SNTG2: variants seen among roughly 807,000 people sequenced by gnomAD.
SNTG2 encodes the protein syntrophin gamma 2.
SNTG2 carries 74 observed loss-of-function variants against 70.9 expected under a neutral mutation model. The ratio of observed to expected loss-of-function variants is 1.04; its 90% CI spans 0.86 to 1.27. The LOEUF (loss-of-function observed/expected upper bound fraction) is 1.27, where lower values mean the gene tolerates loss of function less well. Ranked by LOEUF, SNTG2 falls within the 50% of genes most tolerant of loss-of-function variation. The pLI, the probability that SNTG2 is intolerant of heterozygous loss-of-function variation, is 0.00. For synonymous variants in SNTG2, 278 were observed against 273.8 expected (o/e 1.02, Z -0.15); for missense variants, 717 against 690.7 (o/e 1.04, Z -0.43).
At chr2:1,174,557 T>G (rs1169445181) in intron 8 of SNTG2, among the ~76,000 whole-genome samples, 1 of 152,194 alleles carries the variant, frequency 6.6e-6, no homozygotes, top group Non-Finnish European at 1.5e-5. Flanking sequence ...TTCCATAAGG[T>G]AGAATTTCTG....
chr2:1,324,890 A>G (rs76502621), intron 16 of SNTG2, among the ~76,000 whole-genome samples: 3 of 152,304 alleles, frequency 2.0e-5, no homozygotes, highest in South Asian at 2.1e-4. Flanking sequence ...AGTATTGACC[A>G]TCAGACTGTG....
intron 9 of SNTG2, among the ~76,000 whole-genome samples, chr2:1,223,860 G>T (rs28689479): frequency 0.23 from 34,779 of 149,164 alleles, 4,670 homozygotes; most frequent in East Asian, 0.47. Flanking sequence ...CAGATGGGTG[G>T]CCTTACGCAG....
intron 1 of SNTG2, among the ~76,000 whole-genome samples, chr2:1,015,994 A>T (rs989685221): frequency 7.9e-5 from 12 of 152,168 alleles, no homozygotes; most frequent in Non-Finnish European, 2.9e-5. Flanking sequence ...ACTGTAGGGG[A>T]TTATCTTAAT....
intron 16 of SNTG2, among the ~76,000 whole-genome samples, chr2:1,363,406 T>G (rs1417437322): frequency 6.6e-6 from 1 of 152,182 alleles, no homozygotes; most frequent in Non-Finnish European, 1.5e-5. Flanking sequence ...TGTCCCAGCT[T>G]GCAATTGCCT....
chr2:1,025,189 G>A (rs1163552909), intron 1 of SNTG2, among the ~76,000 whole-genome samples: 1 of 152,184 alleles, frequency 6.6e-6, no homozygotes, highest in African/African-American at 2.4e-5. Context: ...TCTGAGTAGT[G>A]CTTGAGCAGG....
intron 1 of SNTG2, among the ~76,000 whole-genome samples, chr2:1,081,591 G>A (rs1476718653): frequency 6.6e-6 from 1 of 152,242 alleles, no homozygotes; most frequent in East Asian, 1.9e-4. Flanking sequence ...CACACCCCAT[G>A]CACCTGGGAC....
intron 1 of SNTG2, among the ~76,000 whole-genome samples, chr2:967,863 T>C (rs1055544960): frequency 6.6e-6 from 1 of 152,166 alleles, no homozygotes; most frequent in African/African-American, 2.4e-5. Context: ...ACCCCATCTC[T>C]ACTAAAAATA....
chr2:1,351,048 G>A (rs371437259), intron 16 of SNTG2, among the ~76,000 whole-genome samples: 96 of 151,988 alleles, frequency 6.3e-4, no homozygotes, highest in African/African-American at 2.2e-3. Flanking sequence ...CGGCCGATAA[G>A]TGTAGGAGTT....
chr2:1,245,508 C>A (rs1191205932), intron 11 of SNTG2, among the ~76,000 whole-genome samples: 1 of 152,218 alleles, frequency 6.6e-6, no homozygotes, highest in Non-Finnish European at 1.5e-5. Context: ...CTATCTTAAA[C>A]TGTACAAATC....
chr2:998,052 A>G (rs1308402289), intron 1 of SNTG2, among the ~76,000 whole-genome samples: 2 of 152,246 alleles, frequency 1.3e-5, no homozygotes, highest in Admixed American at 6.5e-5. Context: ...AAGGCTATCT[A>G]TAGCCAAGGA....
intron 1 of SNTG2, among the ~76,000 whole-genome samples, chr2:1,064,433 A>C (rs566348491): frequency 6.6e-6 from 1 of 150,778 alleles, no homozygotes; most frequent in African/African-American, 2.4e-5. Flanking sequence ...ATAATTATAT[A>C]TATGTATATA....
intron 1 of SNTG2, among the ~76,000 whole-genome samples, chr2:975,222 A>G (rs1308531695): frequency 6.6e-6 from 1 of 152,046 alleles, no homozygotes; most frequent in Admixed American, 6.6e-5. Context: ...ACACGCTTGG[A>G]CTCACACCTG....
intron 14 of SNTG2, among the ~76,000 whole-genome samples, chr2:1,303,245 G>A (rs1680535041): frequency 6.6e-6 from 1 of 152,004 alleles, no homozygotes; most frequent in Admixed American, 6.5e-5. Context: ...CATATCTGGG[G>A]GCATAAACAA....
At chr2:1,323,893 A>G (rs376213376) in intron 16 of SNTG2, among the ~76,000 whole-genome samples, 13 of 150,384 alleles carry the variant, frequency 8.6e-5, no homozygotes, top group African/African-American at 2.9e-4. Context: ...AATGTGGGAC[A>G]TGGGTAACAG....
intron 7 of SNTG2, among the ~76,000 whole-genome samples, chr2:1,169,745 G>A (rs1670998663): frequency 6.6e-6 from 1 of 152,188 alleles, no homozygotes. Context: ...GACTCTGATG[G>A]CTCTGCCTGG....
rs1197183385 is a variant in SNTG2 at position 1,097,986 on chromosome 2, G to A, written c.211-210G>A. ...GATTTCAGACAATGCCTGGAATGGG[G>A]CCTATTCTTTATCACTGTCTTCGTT... On this transcript the variant is annotated intron_variant, in intron 2 of 16. Coordinates refer to ENST00000308624, the MANE Select transcript of SNTG2 (RefSeq NM_018968.4). This position sits in a 1 kb window ranked among gnomAD's most constrained non-coding sequence, Gnocchi z 4.1. 6.6e-6 allele frequency among the ~76,000 whole-genome samples: 1 copy of A among 152,020 alleles called. No homozygotes were observed.
chr2:1,302,410 CA>C (rs940966028), intron 14 of SNTG2, among the ~76,000 whole-genome samples: 1 of 151,720 alleles, frequency 6.6e-6, no homozygotes, highest in African/African-American at 2.4e-5. Flanking sequence ...TTCTATACTT[CA>C]ACTAAACTCA....
intron 16 of SNTG2, among the ~76,000 whole-genome samples, chr2:1,351,920 G>A (rs1660602201): frequency 6.6e-6 from 1 of 152,064 alleles, no homozygotes; most frequent in African/African-American, 2.4e-5. Context: ...CCCCTCCTGA[G>A]GGAAAGTCCT....
chr2:1,325,066 C>A (rs555697169), intron 16 of SNTG2, among the ~76,000 whole-genome samples: 2 of 152,350 alleles, frequency 1.3e-5, no homozygotes, highest in Middle Eastern at 6.8e-3. Context: ...TTCCAAGGTA[C>A]TATTTACTGG....
Sources: gnomAD v4.1 joint callset for allele counts (sites outside exome capture counted in the v4.1 genomes callset) on GRCh38, gnomAD v4.1.1 for gene constraint, Gnocchi (gnomAD v3.1) non-coding constraint, MANE v1.5 for transcripts, NCBI Gene and HGNC (gene_info 2026-07-23, HGNC 2026-07-21) for gene names.